The following PIM1 variants were observed in gnomAD, a reference collection of about 807,000 sequenced individuals.
PIM1 encodes Pim-1 proto-oncogene, serine/threonine kinase.
Under a neutral mutation model 34.5 loss-of-function variants are expected in PIM1, and 9 were observed. That is an observed-to-expected ratio of 0.26 (90% CI 0.16 to 0.46). The LOEUF is 0.46. Among genes scored for constraint, PIM1 ranks in the 20% least tolerant of loss-of-function variants. The probability of loss-of-function intolerance (pLI) is 1.00; values close to 1 mark genes in which losing one functional copy is unlikely to be tolerated. For missense variants in PIM1, 274 were observed against 410.9 expected (o/e 0.67, Z 2.88); for synonymous variants, 199 against 175.2 (o/e 1.14, Z -1.07).
rs751460230 is a variant in PIM1, at chr6:37,170,690, G to A, written c.82+33G>A. 1.9e-6 allele frequency: 3 copies of A among 1,605,706 alleles called. No homozygotes were observed. In the South Asian group the frequency reaches 3.3e-5, roughly 18 times the overall value. ...CACCCCCCGCCTCCGGCCCGGGGAT[G>A]CGGGGCGGCGGCGGGATCTCCTGGG... On this transcript the variant is annotated intron_variant, in intron 1 of 5. Coordinates refer to ENST00000373509, the MANE Select transcript of PIM1 (RefSeq NM_002648.4).
In PIM1 at chr6:37,170,283, T is replaced by C; in HGVS notation, c.-293T>C. 1.4e-6 allele frequency: 2 copies of C among 1,383,212 alleles called. No homozygotes were observed. Among genetic ancestry groups the C allele is most frequent in the South Asian group, 1.4e-5 (1 of 70,036 alleles). The allele number at this position is 1,383,212 out of a possible 1,614,324, so 85.7% of individuals were successfully genotyped here. A position where few individuals can be genotyped will look rare whatever the true frequency, so the allele number is the denominator to read the frequency against. On this transcript the variant is annotated 5_prime_UTR_variant, in exon 1 of 6. Transcript: ENST00000373509. The stretch of plus-strand genomic sequence containing the variant: ...CAGCAGCAGCAGCAGCAGCAACCAC[T>C]AGCCTCCTGCCCCGCGGCGCTGCCG...
In PIM1 at chr6:37,174,416, C is replaced by T. The variant is rs34698101; in HGVS notation, c.*325C>T. 2,716 of 287,240 alleles carry T rather than the reference C, an allele frequency of 9.5e-3. 24 individuals carry two copies. Among genetic ancestry groups the T allele is most frequent in the Non-Finnish European group, 0.011 (1,639 of 149,254 alleles). The allele number at this position is 287,240 out of a possible 1,614,324, so 17.8% of individuals were successfully genotyped here. Reference sequence around the variant, plus strand: ...TCAGAACCCTGCCATGGAACTGTTTCCTTCATCATGAGTTCTGCTGAATGC... The same window carrying T: ...TCAGAACCCTGCCATGGAACTGTTTTCTTCATCATGAGTTCTGCTGAATGC... On this transcript the variant is annotated 3_prime_UTR_variant, in exon 6 of 6. Coordinates refer to ENST00000373509, the MANE Select transcript of PIM1 (RefSeq NM_002648.4).
Position 37,170,292 on chromosome 6 carries a change from G to T in PIM1, c.-284G>T. 1 of 1,406,768 alleles carries T rather than the reference G, an allele frequency of 7.1e-7. No individual in the cohort carries two copies. Among genetic ancestry groups the T allele is most frequent in the South Asian group, 1.4e-5 (1 of 71,164 alleles). The allele number at this position is 1,406,768 out of a possible 1,614,324, so 87.1% of individuals were successfully genotyped here. ...CAGCAGCAGCAACCACTAGCCTCCT[G>T]CCCCGCGGCGCTGCCGCACGAGCCC... On this transcript the variant is annotated 5_prime_UTR_variant, in exon 1 of 6. Coordinates refer to ENST00000373509, the MANE Select transcript of PIM1 (RefSeq NM_002648.4).
intron 5 of PIM1, among the ~76,000 whole-genome samples, 167 bp from the exon 6 acceptor site, chr6:37,173,767 T>G (rs957348984): frequency 1.3e-5 from 2 of 152,172 alleles, no homozygotes; most frequent in African/African-American, 4.8e-5. Context: ...GACCCAGATA[T>G]TAGTCAATAC....
At chr6:37,172,665 A>G (rs1204660026) in intron 4 of PIM1, 2 of 519,260 alleles carry the variant, frequency 3.9e-6, no homozygotes, top group Non-Finnish European at 7.5e-6. Flanking sequence ...TTGTGCAGAC[A>G]TGCATCCCTT....
chr6:37,172,757 A>G, intron 4 of PIM1: 1 of 651,594 alleles, frequency 1.5e-6, no homozygotes, highest in East Asian at 3.0e-5. Context: ...GGAGCAGTTC[A>G]TAAAGAATTT....
In PIM1 at chr6:37,170,861, C is replaced by T. The variant is rs368447748; in HGVS notation, c.171C>T (p.Arg57=). ...GGFGSVYSGI[R]VSDNLPVAIK... ...TCGGCTCGGTCTACTCAGGCATCCG[C>T]GTCTCCGACAACTTGCCGGTGAGTG... is the stretch of plus-strand genomic sequence containing the variant. The change falls in exon 2 of 6, where the codon CGC becomes CGT. Residue 57 remains arginine (R), a synonymous_variant. Coordinates refer to ENST00000373509, the MANE Select transcript of PIM1 (RefSeq NM_002648.4). The T allele has an allele frequency of 3.0e-5, 49 of 1,612,618 alleles. No individual in the cohort carries two copies. Among genetic ancestry groups the T allele is most frequent in the Non-Finnish European group, 4.1e-5 (48 of 1,179,516 alleles).
In PIM1 at chr6:37,170,897, G is replaced by T; in HGVS notation, c.189+18G>T. 6.2e-7 allele frequency: 1 copy of T among 1,611,966 alleles called. No homozygotes were observed. The highest frequency in any genetic ancestry group is 2.2e-5 in the East Asian group (1 of 44,826). ...ACTTGCCGGTGAGTGGGCGCCCCGC[G>T]GTGGGGAGGGCGCGCCGGGCGGGGG... On this transcript the variant is annotated intron_variant, in intron 2 of 5. Transcript: ENST00000373509.
In PIM1 at chr6:37,170,890, G is replaced by A. The variant is rs1340831053; in HGVS notation, c.189+11G>A. On this transcript the variant is annotated intron_variant, in intron 2 of 5. Transcript: ENST00000373509. ...TCCGACAACTTGCCGGTGAGTGGGC[G>A]CCCCGCGGTGGGGAGGGCGCGCCGG... The A allele has an allele frequency of 4.3e-6, 7 of 1,612,108 alleles. No individual in the cohort carries two copies. The highest frequency in any genetic ancestry group is 5.9e-6 in the Non-Finnish European group (7 of 1,179,070).
At chr6:37,171,065 G>T (rs1398079610) in intron 3 of PIM1, 34 bp downstream of exon 3, 1 of 1,613,772 alleles carries the variant, frequency 6.2e-7, no homozygotes, top group African/African-American at 1.3e-5. Flanking sequence ...CCCAGGATGA[G>T]TGGGTGGGGT....
At chr6:37,170,957 C>A in intron 2 of PIM1, 24 bp from the exon 3 acceptor site, 1 of 1,613,958 alleles carries the variant, frequency 6.2e-7, no homozygotes, top group Non-Finnish European at 8.5e-7. Context: ...ACGAGGGAAC[C>A]TGACGGAGAC....
chr6:37,171,599 C>CA, intron 4 of PIM1, 108 bp downstream of exon 4: 1 of 1,364,070 alleles, frequency 7.3e-7, no homozygotes, highest in Non-Finnish European at 9.8e-7. Context: ...GTCATTGGGC[C>CA]GCCTGGCTCG....
At chr6:37,170,907 G>A (rs1762268854) in intron 2 of PIM1, 28 bp downstream of exon 2, 2 of 1,612,156 alleles carry the variant, frequency 1.2e-6, no homozygotes, top group Middle Eastern at 1.7e-4. Context: ...GGTGGGGAGG[G>A]CGCGCCGGGC....
chr6:37,170,338 G>T lies in PIM1; in HGVS notation c.-238G>T, dbSNP rs908409272. 3 of 1,495,974 alleles carry T rather than the reference G, an allele frequency of 2.0e-6. No individual in the cohort carries two copies. The highest frequency in any genetic ancestry group is 2.7e-6 in the Non-Finnish European group (3 of 1,127,722). 92.7% of individuals were successfully genotyped at this position (1,495,974 alleles called of 1,614,324 possible). A position where few individuals can be genotyped will look rare whatever the true frequency, so the allele number is the denominator to read the frequency against. On this transcript the variant is annotated 5_prime_UTR_variant, in exon 1 of 6. Coordinates refer to ENST00000373509, the MANE Select transcript of PIM1 (RefSeq NM_002648.4). ...AGCCCCACGAGCCGCTCACCCCGCCGTTCTCAGCGCTGCCCGACCCCGCTG... is the reference window on the plus strand; with the variant it reads ...AGCCCCACGAGCCGCTCACCCCGCCTTTCTCAGCGCTGCCCGACCCCGCTG...
chr6:37,170,953 G>A (rs776622995), intron 2 of PIM1, 28 bp from the exon 3 acceptor site: 3 of 1,613,958 alleles, frequency 1.9e-6, no homozygotes, highest in Non-Finnish European at 2.5e-6. Context: ...CCGGACGAGG[G>A]AACCTGACGG....
chr6:37,172,255 C>T (rs915120987), intron 4 of PIM1, among the ~76,000 whole-genome samples: 2 of 152,246 alleles, frequency 1.3e-5, no homozygotes, highest in Admixed American at 6.5e-5. Flanking sequence ...TGTTTATTTG[C>T]CCTTGGAGGA....
rs1372610584 is a variant in PIM1 at position 37,174,676 on chromosome 6, G to A, written c.*585G>A. 1 of 233,658 alleles carries A rather than the reference G, an allele frequency of 4.3e-6. No homozygotes were observed. The highest frequency in any genetic ancestry group is 2.2e-5 in the African/African-American group (1 of 45,318). 14.5% of individuals were successfully genotyped at this position (233,658 alleles called of 1,614,324 possible). On this transcript the variant is annotated 3_prime_UTR_variant, in exon 6 of 6. Transcript: ENST00000373509. Reference sequence around the variant, plus strand: ...TCACCCCCTCCTTCATATGAAAGGTGCCATGGAAGAGGCTACAGGGCCAAA... The same window carrying A: ...TCACCCCCTCCTTCATATGAAAGGTACCATGGAAGAGGCTACAGGGCCAAA...
Position 37,173,086 on chromosome 6 carries a change from A to G in PIM1, c.698A>G (p.Tyr233Cys). 6.2e-7 allele frequency: 1 copy of G among 1,614,130 alleles called. No individual in the cohort carries two copies. The change falls in exon 5 of 6, where the codon TAT becomes TGT. Residue 233 changes from tyrosine to cysteine, a missense_variant. By Grantham distance (194) the Tyr-to-Cys change is radical. Transcript: ENST00000373509. ...AAVWSLGILLYDMVCGDIPFE... is the reference protein window; with the variant it reads ...AAVWSLGILLCDMVCGDIPFE... Reference sequence around the variant, plus strand: ...GTCTGGTCCCTGGGGATCCTGCTGTATGATATGGTGTGTGGAGATATTCCT... The same window carrying G: ...GTCTGGTCCCTGGGGATCCTGCTGTGTGATATGGTGTGTGGAGATATTCCT...
intron 4 of PIM1, among the ~76,000 whole-genome samples, 169 bp downstream of exon 4, chr6:37,171,660 G>C (rs1030604790): frequency 3.9e-5 from 6 of 152,216 alleles, no homozygotes; most frequent in Non-Finnish European, 7.4e-5. Context: ...GTAAAGCCGG[G>C]GATTTTCAGC....
Sources: allele counts gnomAD v4.1 joint callset (sites outside exome capture counted in the v4.1 genomes callset), GRCh38; gene constraint gnomAD v4.1.1; transcripts MANE v1.5; gene names NCBI Gene and HGNC (gene_info 2026-07-23, HGNC 2026-07-21).